Variants in ROR1 observed in about 807,000 individuals in gnomAD.
The protein encoded by ROR1 is ROR family WNT receptor 1, also known as inactive tyrosine-protein kinase transmembrane receptor ROR1.
In ROR1, 19 loss-of-function variants were observed where a neutral mutation model predicts 78.8. That is an observed-to-expected ratio of 0.24 (90% CI 0.17 to 0.35). The LOEUF is 0.35. ROR1 is among the 10% of genes least tolerant of loss of function. ROR1 has a pLI of 1.00. For missense variants in ROR1, 917 were observed against 1,177.8 expected, an observed-to-expected ratio of 0.78 and a Z score of 3.24; for synonymous variants, 386 against 433.6, an observed-to-expected ratio of 0.89 and a Z score of 1.36.
chr1:64,012,855 A>G (rs1646488523), intron 2 of ROR1, among the ~76,000 whole-genome samples: 1 of 152,096 alleles, frequency 6.6e-6, no homozygotes, highest in Non-Finnish European at 1.5e-5. Flanking sequence ...ATTGAAGAAT[A>G]GAGCTATGGA....
intron 1 of ROR1, among the ~76,000 whole-genome samples, chr1:63,933,726 C>T (rs1015793020): frequency 6.6e-6 from 1 of 152,146 alleles, no homozygotes; most frequent in Non-Finnish European, 1.5e-5. Context: ...ACCAAGGTCA[C>T]CCAGCTAATT....
intron 4 of ROR1, among the ~76,000 whole-genome samples, chr1:64,096,233 AT>A (rs1647296181): frequency 6.6e-6 from 1 of 151,336 alleles, no homozygotes; most frequent in Non-Finnish European, 1.5e-5. Context: ...TTTTTTTTTA[AT>A]TTTTTACTTT....
In ROR1 at chr1:63,775,868, A is replaced by G. The variant is rs899562756; in HGVS notation, c.91+1360A>G. ...CTCCTGGGGGTAAATAGAGCTCCTA[A>G]TTGTAATTAAGATGTGCATCAGCAG... On this transcript the variant is annotated intron_variant, in intron 1 of 8. Coordinates refer to ENST00000371079, the MANE Select transcript of ROR1 (RefSeq NM_005012.4). 4.6e-5 allele frequency among the ~76,000 whole-genome samples: 7 copies of G among 152,336 alleles called. No individual in the cohort carries two copies. In the Middle Eastern group the frequency reaches 0.014, roughly 296 times the overall value.
intron 4 of ROR1, among the ~76,000 whole-genome samples, chr1:64,066,096 A>C (rs562880091): frequency 5.9e-5 from 9 of 152,282 alleles, no homozygotes; most frequent in African/African-American, 2.2e-4. Context: ...ACTTCAGTGG[A>C]TGGCCTGGTA....
chr1:63,960,372 C>T (rs1471908901), intron 1 of ROR1, among the ~76,000 whole-genome samples: 3 of 152,226 alleles, frequency 2.0e-5, no homozygotes, highest in Non-Finnish European at 2.9e-5. Flanking sequence ...AAGTTCCCAA[C>T]AGCAGCTCTG....
intron 1 of ROR1, among the ~76,000 whole-genome samples, chr1:63,891,323 ATGTG>A (rs1382639043): frequency 6.6e-6 from 1 of 152,200 alleles, no homozygotes; most frequent in Non-Finnish European, 1.5e-5. Context: ...TCAAAGAGGG[ATGTG>A]AAAATATTTC....
At chr1:63,999,310 G>A (rs897723036) in intron 1 of ROR1, among the ~76,000 whole-genome samples, 1 of 152,160 alleles carries the variant, frequency 6.6e-6, no homozygotes, top group Non-Finnish European at 1.5e-5. Flanking sequence ...TCTTGGGGAG[G>A]TGCTATCCTC....
intron 1 of ROR1, among the ~76,000 whole-genome samples, chr1:63,796,132 C>T (rs1024938059): frequency 3.3e-5 from 5 of 151,368 alleles, no homozygotes; most frequent in African/African-American, 4.9e-5. Context: ...TGGGAAAGGA[C>T]GATGGGATTT....
intron 1 of ROR1, among the ~76,000 whole-genome samples, chr1:63,942,501 A>C (rs567650160): frequency 3.0e-4 from 45 of 152,110 alleles, no homozygotes; most frequent in Admixed American, 1.2e-3. Flanking sequence ...TCTTAAGGGC[A>C]AGAGCCACGC....
At chr1:64,025,942 A>G (rs991934305) in intron 2 of ROR1, among the ~76,000 whole-genome samples, 12 of 152,162 alleles carry the variant, frequency 7.9e-5, no homozygotes, top group Non-Finnish European at 1.3e-4. Context: ...GGGTGCACCA[A>G]AATATCTCAA....
chr1:64,113,792 C>CT (rs561955746), intron 4 of ROR1: 27 of 137,236 alleles, frequency 2.0e-4, no homozygotes, highest in African/African-American at 7.7e-4. Context: ...GTGTTTCGTC[C>CT]TAAAAAAAAA....
At chr1:63,872,668 A>T (rs1254444586) in intron 1 of ROR1, among the ~76,000 whole-genome samples, 1 of 152,176 alleles carries the variant, frequency 6.6e-6, no homozygotes, top group Non-Finnish European at 1.5e-5. Flanking sequence ...TCTTGAAGGC[A>T]GTCTGATTTT....
chr1:64,150,545 A>G (rs1649592027), intron 7 of ROR1, among the ~76,000 whole-genome samples: 1 of 152,208 alleles, frequency 6.6e-6, no homozygotes, highest in African/African-American at 2.4e-5. Flanking sequence ...GCCTTCTCCC[A>G]TATTTCATAG....
chr1:63,954,129 A>C (rs1336703083), intron 1 of ROR1, among the ~76,000 whole-genome samples: 1 of 152,234 alleles, frequency 6.6e-6, no homozygotes, highest in Non-Finnish European at 1.5e-5. Flanking sequence ...TGACATATGT[A>C]AGAGAGATGT....
intron 1 of ROR1, among the ~76,000 whole-genome samples, chr1:64,000,066 G>A (rs1006828951): frequency 2.6e-5 from 4 of 152,030 alleles, no homozygotes; most frequent in Non-Finnish European, 5.9e-5. Context: ...GAAAATGTAC[G>A]TGGGCCATAC....
chr1:64,135,170 T>G (rs531676993), intron 4 of ROR1, among the ~76,000 whole-genome samples: 1 of 152,238 alleles, frequency 6.6e-6, no homozygotes, highest in African/African-American at 2.4e-5. Flanking sequence ...AGTCAAAAAT[T>G]TAATACACCT....
At chr1:64,150,350 C>G (rs906077306) in intron 7 of ROR1, among the ~76,000 whole-genome samples, 5 of 152,090 alleles carry the variant, frequency 3.3e-5, no homozygotes, top group African/African-American at 1.2e-4. Flanking sequence ...CAACAATTTG[C>G]CAAAGGGCGC....
intron 1 of ROR1, among the ~76,000 whole-genome samples, chr1:63,947,440 G>A (rs1645899392): frequency 6.6e-6 from 1 of 152,158 alleles, no homozygotes; most frequent in Non-Finnish European, 1.5e-5. Flanking sequence ...CTCTGCCAAG[G>A]AAAACATACT....
intron 4 of ROR1, among the ~76,000 whole-genome samples, chr1:64,109,806 G>T (rs926651118): frequency 5.9e-5 from 9 of 152,124 alleles, no homozygotes; most frequent in African/African-American, 2.2e-4. Flanking sequence ...GGGATTATAG[G>T]TGTGAGTTAC....
Sources: allele counts gnomAD v4.1 joint callset (sites outside exome capture counted in the v4.1 genomes callset), GRCh38; gene constraint gnomAD v4.1.1; transcripts MANE v1.5; gene names NCBI Gene and HGNC (gene_info 2026-07-23, HGNC 2026-07-21).